PARD3: variants seen among roughly 807,000 people sequenced by gnomAD.
PARD3 encodes par-3 family cell polarity regulator.
In PARD3, 75 loss-of-function variants were observed where a neutral mutation model predicts 155.4. That is an observed-to-expected ratio of 0.48 (90% CI 0.40 to 0.58). PARD3 has a LOEUF of 0.58. Ranked by LOEUF, PARD3 falls within the 20% of genes least tolerant of loss-of-function variation. The pLI is 0.00. For synonymous variants in PARD3, 576 were observed against 610.5 expected (o/e 0.94, Z 0.83); for missense variants, 1,642 against 1,721.7 (o/e 0.95, Z 0.82).
chr10:34,538,571 G>GT lies in PARD3; in HGVS notation c.223-21413dup, dbSNP rs147857335. On this transcript the variant is annotated intron_variant, in intron 2 of 24. Transcript: ENST00000374788. ...CTGGGATGTTTATTCAGAGGTGGCT[G>GT]TAAGTTTCACTTCACTCTTTCAAGT... is the stretch of plus-strand genomic sequence containing the variant. Among the ~76,000 whole-genome samples the GT allele has an allele frequency of 1.3e-4, 20 of 152,332 alleles. No individual in the cohort carries two copies. In the East Asian group the frequency reaches 3.5e-3, roughly 26 times the overall value.
At chr10:34,538,717 AAG>A (rs1185028992) in intron 2 of PARD3, among the ~76,000 whole-genome samples, 7 of 152,228 alleles carry the variant, frequency 4.6e-5, no homozygotes, top group Admixed American at 4.6e-4. Flanking sequence ...GAAGTACAGG[AAG>A]AGTCACCGGG....
At chr10:34,353,144 G>A (rs1315686392) in intron 14 of PARD3, among the ~76,000 whole-genome samples, 2 of 152,006 alleles carry the variant, frequency 1.3e-5, no homozygotes, top group African/African-American at 4.8e-5. Context: ...GGCAGCCCCC[G>A]CCCGGCCAGC....
chr10:34,645,667 G>A (rs1048861182), intron 2 of PARD3, among the ~76,000 whole-genome samples: 10 of 152,122 alleles, frequency 6.6e-5, no homozygotes, highest in Admixed American at 1.3e-4. Flanking sequence ...ACCAAGATAC[G>A]CAGAATCTAG....
At chr10:34,351,777 G>A (rs1838110777) in intron 14 of PARD3, among the ~76,000 whole-genome samples, 1 of 152,342 alleles carries the variant, frequency 6.6e-6, no homozygotes, top group East Asian at 1.9e-4. Flanking sequence ...CACAATCACA[G>A]TCAATTAGAT....
chr10:34,695,687 A>T (rs1311200895), intron 2 of PARD3, among the ~76,000 whole-genome samples: 4 of 152,132 alleles, frequency 2.6e-5, no homozygotes, highest in Non-Finnish European at 5.9e-5. Flanking sequence ...AGACCACAGT[A>T]AAGACTGGGG....
At chr10:34,392,322 G>A (rs565844773) in intron 7 of PARD3, among the ~76,000 whole-genome samples, 147 of 152,218 alleles carry the variant, frequency 9.7e-4, no homozygotes, top group Admixed American at 3.3e-3. Context: ...AATTGAAGAA[G>A]CTTTTTCCAA....
At chr10:34,317,022 A>G (rs1958050170) in intron 20 of PARD3, 85 bp downstream of exon 20, 3 of 1,288,062 alleles carry the variant, frequency 2.3e-6, no homozygotes, top group South Asian at 3.2e-5. Context: ...GGTGTGCACT[A>G]CCGTGTCCAG....
chr10:34,762,645 G>A (rs1837605579), intron 1 of PARD3, among the ~76,000 whole-genome samples: 1 of 152,048 alleles, frequency 6.6e-6, no homozygotes, highest in Non-Finnish European at 1.5e-5. Context: ...TCTATATGAT[G>A]TTAAATACTT....
chr10:34,681,756 ATATATATATATATT>A (rs2093837021), intron 2 of PARD3, among the ~76,000 whole-genome samples: 1 of 18,932 alleles, frequency 5.3e-5, no homozygotes, highest in Non-Finnish European at 9.0e-5. Context: ...ATATATATAT[ATATATATATATATT>A]TTTTTTTTTT....
chr10:34,226,010 C>T (rs1448050128), intron 22 of PARD3, among the ~76,000 whole-genome samples: 1 of 152,024 alleles, frequency 6.6e-6, no homozygotes, highest in African/African-American at 2.4e-5. Context: ...AAGTCCCAGA[C>T]TGGGAGAAAC....
At chr10:34,208,406 G>A (rs1951579638) in intron 22 of PARD3, among the ~76,000 whole-genome samples, 1 of 152,174 alleles carries the variant, frequency 6.6e-6, no homozygotes, top group Non-Finnish European at 1.5e-5. Flanking sequence ...TAAGAGAACA[G>A]CACTATTAGT....
intron 20 of PARD3, among the ~76,000 whole-genome samples, chr10:34,302,866 C>A (rs1957217461): frequency 6.6e-6 from 1 of 152,238 alleles, no homozygotes; most frequent in East Asian, 1.9e-4. Flanking sequence ...CACAATGTCC[C>A]CATCTCCCTT....
chr10:34,329,869 TGTATAAGCATTATAC>T (rs1232024635), intron 19 of PARD3, among the ~76,000 whole-genome samples: 1 of 152,200 alleles, frequency 6.6e-6, no homozygotes, highest in African/African-American at 2.4e-5. Flanking sequence ...ACGCATTATA[TGTATAAGCATTATAC>T]GTATAAGCAA....
intron 5 of PARD3, among the ~76,000 whole-genome samples, chr10:34,404,160 G>A (rs1844195353): frequency 6.6e-6 from 1 of 152,182 alleles, no homozygotes; most frequent in Non-Finnish European, 1.5e-5. Flanking sequence ...CCCTGAGGCT[G>A]AGCTGCAGTT....
At position 34,256,334 on chromosome 10, in the gene PARD3, A is replaced by C. The variant is rs116007168; in HGVS notation, c.3419+13323T>G. Reference sequence around the variant, plus strand: ...CAGCTTTGGTCATGAGCTGAGCTCCATGGGCTTCTGCTCTGTCGTTTGCTC... The same window carrying C: ...CAGCTTTGGTCATGAGCTGAGCTCCCTGGGCTTCTGCTCTGTCGTTTGCTC... On this transcript the variant is annotated intron_variant, in intron 22 of 24. Coordinates refer to ENST00000374788, the MANE Select transcript of PARD3 (RefSeq NM_001184785.2). 3.3e-3 allele frequency among the ~76,000 whole-genome samples: 510 copies of C among 152,328 alleles called. 2 individuals are homozygous for C. The highest frequency in any genetic ancestry group is 0.022 in the South Asian group (104 of 4,826).
At chr10:34,345,083 C>T (rs1317404273) in intron 15 of PARD3, 2 of 982,746 alleles carry the variant, frequency 2.0e-6, no homozygotes, top group East Asian at 1.1e-4. Flanking sequence ...TAAATTGATA[C>T]TAATAAAGAA....
At chr10:34,214,720 G>A (rs948255589) in intron 22 of PARD3, among the ~76,000 whole-genome samples, 4 of 152,102 alleles carry the variant, frequency 2.6e-5, no homozygotes, top group Admixed American at 1.3e-4. Flanking sequence ...ATTGTATAAC[G>A]GATATCTGAA....
chr10:34,131,552 T>A lies in PARD3; in HGVS notation c.3451A>T (p.Ile1151Leu). ...NRSTPSNHDR[I>L]QRLRQEFQQA... The stretch of plus-strand genomic sequence containing the variant: ...TGAAATTCTTGCCTCAGACGCTGTA[T>A]CCGATCATGATTGCTAGGAGTTGAT... The change falls in exon 23 of 25, where the codon ATA (isoleucine) becomes TTA (leucine). Residue 1151 changes from isoleucine to leucine, a missense_variant. By Grantham distance (5) the Ile-to-Leu change is conservative (BLOSUM62 2). This residue lies in a region of PARD3 where 1,529 missense variants were observed against 1,587.3 expected (regional missense o/e 0.96). Coordinates refer to ENST00000374788, the MANE Select transcript of PARD3 (RefSeq NM_001184785.2). The A allele has an allele frequency of 6.2e-7, 1 of 1,613,874 alleles. No individual in the cohort carries two copies. Among genetic ancestry groups the A allele is most frequent in the East Asian group, 2.2e-5 (1 of 44,872 alleles).
At chr10:34,413,088 C>A (rs1211788951) in intron 5 of PARD3, among the ~76,000 whole-genome samples, 1 of 149,702 alleles carries the variant, frequency 6.7e-6, no homozygotes, top group Non-Finnish European at 1.5e-5. Flanking sequence ...AAGTGGGTTA[C>A]TACTAACAGA....
Sources: gnomAD v4.1 joint callset for allele counts (sites outside exome capture counted in the v4.1 genomes callset) on GRCh38, gnomAD v4.1.1 for gene constraint, gnomAD v4.1.1 regional missense constraint, MANE v1.5 for transcripts, NCBI Gene and HGNC (gene_info 2026-07-23, HGNC 2026-07-21) for gene names.